DOCK11: variants seen among roughly 807,000 people sequenced by gnomAD.
DOCK11 encodes the protein dedicator of cytokinesis protein 11.
A neutral mutation model predicts 169.1 loss-of-function variants in DOCK11; 70 were observed. The observed-to-expected ratio is 0.41, with a 90% CI of 0.34 to 0.51. DOCK11 has a LOEUF of 0.51. Ranked by LOEUF, DOCK11 falls within the 20% of genes least tolerant of loss-of-function variation. DOCK11 has a pLI of 0.10. For synonymous variants in DOCK11, 529 were observed against 541.3 expected (o/e 0.98, Z 0.32); for missense variants, 1,166 against 1,538.8 (o/e 0.76, Z 4.05).
rs1385966387 is a variant in DOCK11, at chrX:118,588,007, C to A, written c.1796-130C>A. The A allele has an allele frequency of 6.4e-6, 4 of 622,313 alleles. No homozygotes were observed. In the Admixed American group the frequency reaches 1.4e-4, roughly 22 times the overall value. The allele number at this position is 622,313 out of a possible 1,213,427, so 51.3% of individuals were successfully genotyped here. ...AAAGTTGTCATGTGATTTTTTTGGT[C>A]AATTACTAAGAATTATGTTTTTTAA... On this transcript the variant is annotated intron_variant, in intron 16 of 52. Transcript: ENST00000276202.
intron 1 of DOCK11, among the ~76,000 whole-genome samples, chrX:118,516,405 C>G (rs2057688899): frequency 1.5e-5 from 1 of 67,886 alleles, no homozygotes; most frequent in Non-Finnish European, 2.4e-5. Context: ...TCCTCCTCTC[C>G]TCTCCTCCCC....
chrX:118,656,969 A>T (rs996700346), intron 44 of DOCK11, among the ~76,000 whole-genome samples: 1 of 112,120 alleles, frequency 8.9e-6, no homozygotes, highest in Middle Eastern at 4.2e-3. Flanking sequence ...GAAGATTTTT[A>T]TGTCCACTAA....
At chrX:118,517,003 T>C (rs1350951957) in intron 1 of DOCK11, among the ~76,000 whole-genome samples, 1 of 111,741 alleles carries the variant, frequency 8.9e-6, no homozygotes, top group African/African-American at 3.3e-5. Flanking sequence ...TAGCTATTAG[T>C]ATTATTGTTA....
At chrX:118,636,442 T>G in intron 36 of DOCK11, 30 bp downstream of exon 36, 1 of 805,345 alleles carries the variant, frequency 1.2e-6, no homozygotes, top group Non-Finnish European at 1.7e-6. Context: ...CTTCATATAC[T>G]TTCCCCTTAT....
intron 1 of DOCK11, among the ~76,000 whole-genome samples, chrX:118,524,728 A>T (rs769251967): frequency 7.2e-5 from 8 of 111,793 alleles, no homozygotes; most frequent in Non-Finnish European, 1.5e-4. Flanking sequence ...AAAACTGGAA[A>T]ATAAGTGTTG....
In DOCK11 at chrX:118,676,003, A is replaced by G. The variant is rs61729104; in HGVS notation, c.5267A>G (p.Lys1756Arg). The G allele has an allele frequency of 6.6e-3, 7,930 of 1,202,114 alleles. 53 individuals are homozygous for G. The highest frequency in any genetic ancestry group is 6.3e-3 in the Non-Finnish European group (5,578 of 892,311). ...YTKILEVMHT[K>R]KRLLGTFFRV... ...AAAATTCTGGAAGTTATGCATACAA[A>G]AAAGAGACTTTTAGGCACTTTCTTC... The change falls in exon 47 of 53, where the codon AAA becomes AGA. Residue 1756 changes from lysine to arginine, a missense_variant. Lys to Arg is a conservative substitution (Grantham distance 26, BLOSUM62 2). Coordinates refer to ENST00000276202, the MANE Select transcript of DOCK11 (RefSeq NM_144658.4).
At chrX:118,663,910 T>A (rs751408086) in intron 45 of DOCK11, among the ~76,000 whole-genome samples, 39 of 110,022 alleles carry the variant, frequency 3.5e-4, no homozygotes, top group Non-Finnish European at 6.3e-4. Flanking sequence ...CTTGACCTCA[T>A]GATCCACCTG....
chrX:118,500,216 T>A (rs1186404151), intron 1 of DOCK11, among the ~76,000 whole-genome samples: 1 of 109,365 alleles, frequency 9.1e-6, no homozygotes, highest in Non-Finnish European at 1.9e-5. Context: ...GCCCGGCTAA[T>A]TTTTTGTATT....
In DOCK11 at chrX:118,630,474, A is replaced by G; in HGVS notation, c.3870A>G (p.Val1290=). The G allele has an allele frequency of 8.4e-7, 1 of 1,195,882 alleles. No individual in the cohort carries two copies. Among genetic ancestry groups the G allele is most frequent in the Non-Finnish European group, 1.1e-6 (1 of 881,852 alleles). Residue 1290 remains valine, a synonymous_variant, in exon 35 of 53, where the codon GTA becomes GTG. Transcript: ENST00000276202. ...TCCTGATGTGCTACCTGTATATAGT[A>G]AAAATGATTTCAGAAGGTGAGTTAC... The part of the protein sequence containing the change: ...RSLLMCYLYI[V]KMISEDTLLT...
At chrX:118,578,998 C>A (rs2013542465) in intron 13 of DOCK11, among the ~76,000 whole-genome samples, 1 of 111,793 alleles carries the variant, frequency 8.9e-6, no homozygotes, top group Non-Finnish European at 1.9e-5. Context: ...TCCTATAGTT[C>A]CCAAATGTCA....
chrX:118,605,252 G>A lies in DOCK11; in HGVS notation c.2577G>A (p.Met859Ile). 8.5e-7 allele frequency: 1 copy of A among 1,175,252 alleles called. No homozygotes were observed. Among genetic ancestry groups the A allele is most frequent in the South Asian group, 1.9e-5 (1 of 52,502 alleles). ...LIKYLKCLHA[M>I]EIQVMIQFLP... ...CTTAATTTTAGTGTTTGCATGCCAT[G>A]GAGATCCAAGTCATGATACAGTTTC... The change falls in exon 24 of 53, where the codon ATG becomes ATA. Residue 859 changes from methionine (M) to isoleucine (I), a missense_variant. Transcript: ENST00000276202.
intron 1 of DOCK11, among the ~76,000 whole-genome samples, chrX:118,525,830 AAAG>A (rs1232224268): frequency 8.9e-6 from 1 of 111,741 alleles, no homozygotes; most frequent in Non-Finnish European, 1.9e-5. Context: ...AAGGAAAAAA[AAAG>A]AAAAAGAACG....
intron 34 of DOCK11, 143 bp from the exon 35 acceptor site, chrX:118,630,236 C>T (rs978740291): frequency 8.4e-5 from 35 of 416,518 alleles, no homozygotes; most frequent in Non-Finnish European, 1.2e-4. Flanking sequence ...AGATTCAGCC[C>T]ATTCACCTTC....
chrX:118,543,643 T>TA, intron 4 of DOCK11, 50 bp downstream of exon 4: 1 of 1,081,248 alleles, frequency 9.2e-7, no homozygotes. Context: ...TATTAAGCTT[T>TA]TTTACCTTGT....
At chrX:118,567,967 A>G (rs1443400372) in intron 9 of DOCK11, 112 bp from the exon 10 acceptor site, 9 of 351,934 alleles carry the variant, frequency 2.6e-5, no homozygotes, top group Non-Finnish European at 4.4e-5. Flanking sequence ...GATGAATGGT[A>G]TATTTTTGAA....
chrX:118,588,502 A>G (rs2013886607), intron 18 of DOCK11, 24 bp downstream of exon 18: 5 of 1,128,242 alleles, frequency 4.4e-6, no homozygotes, highest in Non-Finnish European at 5.9e-6. Flanking sequence ...ATTGATAGGC[A>G]TATGTTTTTA....
intron 40 of DOCK11, among the ~76,000 whole-genome samples, chrX:118,645,574 A>T (rs2015636403): frequency 9.2e-6 from 1 of 108,713 alleles, no homozygotes; most frequent in South Asian, 4.0e-4. Flanking sequence ...GGTGCCTGTA[A>T]TCCCAGCTAC....
chrX:118,672,632 T>C (rs1182135538), intron 46 of DOCK11, among the ~76,000 whole-genome samples: 2 of 112,487 alleles, frequency 1.8e-5, no homozygotes, highest in Non-Finnish European at 3.8e-5. Context: ...AGGCAGGGTT[T>C]CACCGTGTTA....
At position 118,573,776 on chromosome X, in the gene DOCK11, G is replaced by A. The variant is rs966459485; in HGVS notation, c.1177-30G>A. ...CCGCCATGCCCCCACTAAAGTCTCA[G>A]TTTTAAAATGTAACTGTTTTCATTC... is the stretch of plus-strand genomic sequence containing the variant. On this transcript the variant is annotated intron_variant, in intron 11 of 52. Coordinates refer to ENST00000276202, the MANE Select transcript of DOCK11 (RefSeq NM_144658.4). The A allele has an allele frequency of 6.8e-6, 8 of 1,169,944 alleles. No individual in the cohort carries two copies. The African/African-American group carries it at 1.4e-4, about 21-fold the overall frequency.
Sources: gnomAD v4.1 joint callset for allele counts (sites outside exome capture counted in the v4.1 genomes callset) on GRCh38, gnomAD v4.1.1 for gene constraint, MANE v1.5 for transcripts, NCBI Gene and HGNC (gene_info 2026-07-23, HGNC 2026-07-21) for gene names.